GAS7: variants seen among roughly 807,000 people sequenced by gnomAD.
GAS7 encodes growth arrest specific 7.
GAS7 carries 28 observed loss-of-function variants against 71.1 expected under a neutral mutation model. The ratio of observed to expected loss-of-function variants is 0.39; its 90% CI spans 0.29 to 0.54. The LOEUF is 0.54. GAS7 is among the 20% of genes least tolerant of loss of function. The pLI, the probability that GAS7 is intolerant of heterozygous loss-of-function variation, is 0.62. For missense variants in GAS7, 436 were observed against 627.8 expected (o/e 0.69, Z 3.27); for synonymous variants, 258 against 245.8 (o/e 1.05, Z -0.46).
intron 1 of GAS7, chr17:10,036,579 G>T (rs531623714): frequency 1.3e-6 from 2 of 1,521,152 alleles, no homozygotes; most frequent in Admixed American, 2.0e-5. Context: ...GAGGCAAGTC[G>T]CTAGCCCAGG....
rs1279328508 is a variant in GAS7, at chr17:10,013,918, C to T, written c.304+5859G>A. On this transcript the variant is annotated intron_variant, in intron 2 of 13. Transcript: ENST00000432992. ...ATCTTCTACATCCTCATCACTTCAC[C>T]TCTCTGCTGATGAAACACAAATCCT... Among the ~76,000 whole-genome samples, 9 of 152,286 alleles carry T rather than the reference C, an allele frequency of 5.9e-5. No homozygotes were observed. In the East Asian group the frequency reaches 1.5e-3, roughly 26 times the overall value.
chr17:10,057,798 C>T (rs879127632), intron 1 of GAS7, among the ~76,000 whole-genome samples: 5 of 152,116 alleles, frequency 3.3e-5, no homozygotes, highest in Admixed American at 1.3e-4. Flanking sequence ...GGGGTTTTGT[C>T]GAATAGAAAA....
rs900887666 is a variant in GAS7, at chr17:9,918,160, C to G, written c.1219-61G>C. 3.4e-6 allele frequency: 4 copies of G among 1,168,736 alleles called. 1 individual carries two copies. The highest frequency in any genetic ancestry group is 5.1e-6 in the Non-Finnish European group (4 of 791,430). 72.4% of individuals were successfully genotyped at this position (1,168,736 alleles called of 1,614,324 possible). A position where few individuals can be genotyped will look rare whatever the true frequency, so the allele number is the denominator to read the frequency against. Reference sequence around the variant, plus strand: ...CGTCCCCTCCACTTGGGGGTCCCCCCACCAAGACCACAAAACGCAAGTCAC... The same window carrying G: ...CGTCCCCTCCACTTGGGGGTCCCCCGACCAAGACCACAAAACGCAAGTCAC... On this transcript the variant is annotated intron_variant, in intron 12 of 13. Transcript: ENST00000432992.
chr17:10,166,724 T>C (rs2074296648), intron 1 of GAS7, among the ~76,000 whole-genome samples: 1 of 152,222 alleles, frequency 6.6e-6, no homozygotes, highest in Admixed American at 6.5e-5. Flanking sequence ...TTTTCCCTAT[T>C]CTGCTTAGTC....
At chr17:10,129,939 C>G (rs2073982959) in intron 1 of GAS7, among the ~76,000 whole-genome samples, 1 of 151,860 alleles carries the variant, frequency 6.6e-6, no homozygotes, top group Non-Finnish European at 1.5e-5. Context: ...TTTGGGAGGC[C>G]AAGGCAGGTG....
chr17:10,083,537 C>T (rs2152252514), intron 1 of GAS7, among the ~76,000 whole-genome samples: 2 of 152,366 alleles, frequency 1.3e-5, no homozygotes, highest in South Asian at 4.1e-4. Flanking sequence ...AGTTGGCCTT[C>T]CCAGGCCAAG....
rs987214042 is a variant in GAS7 at position 10,037,766 on chromosome 17, T to G, written c.184-17869A>C. On this transcript the variant is annotated intron_variant, in intron 1 of 13. Transcript: ENST00000432992. ...GGGGTGGGGCATCCATGTAAACATT[T>G]CACCTAGTGGACGAAGTAAATGCTC... Among the ~76,000 whole-genome samples the G allele has an allele frequency of 5.9e-5, 9 of 152,226 alleles. No homozygotes were observed. In the East Asian group the frequency reaches 1.7e-3, roughly 29 times the overall value.
At chr17:9,928,634 G>A (rs762228283) in intron 9 of GAS7, among the ~76,000 whole-genome samples, 4 of 152,324 alleles carry the variant, frequency 2.6e-5, no homozygotes, top group African/African-American at 9.6e-5. Flanking sequence ...ATATCCCAAC[G>A]AGGGTTCTGT....
chr17:9,952,182 C>G (rs1430225445), intron 5 of GAS7, among the ~76,000 whole-genome samples: 1 of 152,144 alleles, frequency 6.6e-6, no homozygotes, highest in African/African-American at 2.4e-5. Flanking sequence ...GATTCAGGAG[C>G]TCTGGATGGG....
chr17:9,977,909 G>A (rs1011428746), intron 3 of GAS7, among the ~76,000 whole-genome samples: 7 of 152,172 alleles, frequency 4.6e-5, no homozygotes, highest in African/African-American at 1.7e-4. Context: ...AGTTAACAAA[G>A]CTACAACACA....
rs188494330 is a variant in GAS7, at chr17:10,171,806, C to T, written c.183+26402G>A. Among the ~76,000 whole-genome samples, 6 of 152,260 alleles carry T rather than the reference C, an allele frequency of 3.9e-5. No homozygotes were observed. In the East Asian group the frequency reaches 1.2e-3, roughly 29 times the overall value. On this transcript the variant is annotated intron_variant, in intron 1 of 13. Transcript: ENST00000432992. ...TTTATCTGAGAAATGGAATCCACCT[C>T]GCCAGGCTGTTGATAAGATTACATG...
intron 3 of GAS7, among the ~76,000 whole-genome samples, chr17:9,970,078 C>T (rs554746026): frequency 5.9e-5 from 9 of 152,290 alleles, no homozygotes; most frequent in Admixed American, 1.3e-4. Flanking sequence ...ACAAATACCA[C>T]ATCAGTTGTA....
rs2067425124 is a variant in GAS7, at chr17:9,911,112, T to C, written c.*6116A>G. 4.3e-6 allele frequency: 1 copy of C among 233,048 alleles called. No individual in the cohort carries two copies. The highest frequency in any genetic ancestry group is 8.5e-6 in the Non-Finnish European group (1 of 117,934). 14.4% of individuals were successfully genotyped at this position (233,048 alleles called of 1,614,324 possible). A position where few individuals can be genotyped will look rare whatever the true frequency, so the allele number is the denominator to read the frequency against. ...AAGTTGGGGCCCCTGTCACTAAGGATGGCTGGCGTCCCTTTGAATGTCTGT... is the reference window on the plus strand; with the variant it reads ...AAGTTGGGGCCCCTGTCACTAAGGACGGCTGGCGTCCCTTTGAATGTCTGT... On this transcript the variant is annotated 3_prime_UTR_variant, in exon 14 of 14. Coordinates refer to ENST00000432992, the MANE Select transcript of GAS7 (RefSeq NM_201433.2). The surrounding 1 kb of genome is among the most constrained non-coding windows in gnomAD (Gnocchi z 4.0).
At chr17:10,154,104 A>G (rs559431758) in intron 1 of GAS7, among the ~76,000 whole-genome samples, 1 of 152,336 alleles carries the variant, frequency 6.6e-6, no homozygotes, top group Non-Finnish European at 1.5e-5. Flanking sequence ...AAGGAAAGTA[A>G]AAATATGCTG....
chr17:9,992,282 G>C (rs1002928637), intron 2 of GAS7, among the ~76,000 whole-genome samples: 3 of 151,828 alleles, frequency 2.0e-5, no homozygotes, highest in Non-Finnish European at 4.4e-5. Context: ...AACCTTCTAA[G>C]AGCCGCGGCT....
intron 8 of GAS7, among the ~76,000 whole-genome samples, chr17:9,934,817 C>A (rs1418362764): frequency 6.6e-6 from 1 of 152,202 alleles, no homozygotes; most frequent in Non-Finnish European, 1.5e-5. Context: ...CTCATGGCAA[C>A]CTCTGCCTCC....
intron 1 of GAS7, among the ~76,000 whole-genome samples, chr17:10,069,353 G>A (rs367548704): frequency 2.6e-5 from 4 of 152,192 alleles, no homozygotes; most frequent in African/African-American, 4.8e-5. Flanking sequence ...ACACTTGTGC[G>A]GACAGAGAGC....
intron 1 of GAS7, among the ~76,000 whole-genome samples, chr17:10,068,269 G>GA: frequency 6.6e-6 from 1 of 152,186 alleles, no homozygotes; most frequent in East Asian, 2.0e-4. Flanking sequence ...GATCCTAGGA[G>GA]AACTTCTGCG....
intron 1 of GAS7, among the ~76,000 whole-genome samples, chr17:10,162,347 G>T (rs543405805): frequency 6.6e-6 from 1 of 152,158 alleles, no homozygotes; most frequent in South Asian, 2.1e-4. Context: ...GGAGGGAGCT[G>T]TATATTTTAT....
Sources: gnomAD v4.1 joint callset for allele counts (sites outside exome capture counted in the v4.1 genomes callset) on GRCh38, gnomAD v4.1.1 for gene constraint, Gnocchi (gnomAD v3.1) non-coding constraint, MANE v1.5 for transcripts, NCBI Gene and HGNC (gene_info 2026-07-23, HGNC 2026-07-21) for gene names.